The following ARMC9 variants were observed in gnomAD, a reference collection of about 807,000 sequenced individuals.
ARMC9 encodes lisH domain-containing protein ARMC9.
A neutral mutation model predicts 107.0 loss-of-function variants in ARMC9; 94 were observed. The ratio of observed to expected loss-of-function variants is 0.88; its 90% confidence interval spans 0.74 to 1.04. The LOEUF (loss-of-function observed/expected upper bound fraction) is 1.04, where lower values mean the gene tolerates loss of function less well. Ranked by LOEUF, ARMC9 falls within the 50% of genes least tolerant of loss-of-function variation. The pLI, the probability that ARMC9 is intolerant of heterozygous loss-of-function variation, is 0.00. For missense variants in ARMC9, 942 were observed against 1,030.1 expected (o/e 0.91, Z 1.17); for synonymous variants, 380 against 396.9 (o/e 0.96, Z 0.51).
At chr2:231,202,384 G>A (rs112758252) in intron 1 of ARMC9, among the ~76,000 whole-genome samples, 2,658 of 147,820 alleles carry the variant, frequency 0.018, 87 homozygotes, top group African/African-American at 0.064. Flanking sequence ...GTGCCATGGC[G>A]TGATCCCGGC....
chr2:231,327,173 C>G (rs1300796119), intron 19 of ARMC9, among the ~76,000 whole-genome samples: 2 of 152,184 alleles, frequency 1.3e-5, no homozygotes, highest in Non-Finnish European at 2.9e-5. Flanking sequence ...GGGCAGTGCA[C>G]GCTCCCCCAT....
intron 19 of ARMC9, among the ~76,000 whole-genome samples, chr2:231,324,179 G>C (rs1012283873): frequency 5.1e-5 from 7 of 137,756 alleles, no homozygotes; most frequent in African/African-American, 1.9e-4. Flanking sequence ...CCAGGCTGGA[G>C]TGCAGTGGTG....
chr2:231,349,177 A>G (rs2044937182), intron 21 of ARMC9, among the ~76,000 whole-genome samples: 1 of 152,234 alleles, frequency 6.6e-6, no homozygotes, highest in Non-Finnish European at 1.5e-5. Context: ...ATTTGGAAGT[A>G]GCCTCAGTGT....
At chr2:231,311,495 C>T (rs1252240974) in intron 19 of ARMC9, among the ~76,000 whole-genome samples, 3 of 151,292 alleles carry the variant, frequency 2.0e-5, no homozygotes, top group Non-Finnish European at 2.9e-5. Context: ...TTCTGCTGGG[C>T]GCAGTTGCTC....
chr2:231,260,661 G>A (rs1483445373), intron 11 of ARMC9, among the ~76,000 whole-genome samples: 3 of 152,080 alleles, frequency 2.0e-5, no homozygotes, highest in African/African-American at 4.8e-5. Context: ...AGAGTGGGTG[G>A]GGCAGCATGA....
chr2:231,274,835 G>C (rs575018274), intron 14 of ARMC9, among the ~76,000 whole-genome samples: 3 of 152,154 alleles, frequency 2.0e-5, no homozygotes, highest in African/African-American at 7.2e-5. Flanking sequence ...CCAGCTCCCT[G>C]CCAATGAAAA....
chr2:231,339,288 A>G (rs1354006823), intron 20 of ARMC9, among the ~76,000 whole-genome samples: 4 of 152,060 alleles, frequency 2.6e-5, no homozygotes, highest in African/African-American at 9.6e-5. Context: ...AGATCGCGCC[A>G]TTGCACTCTA....
rs1277639372 is a variant in ARMC9 at position 231,198,660 on chromosome 2, C to T, written c.-80C>T. ...GGGTGACGGCTGCGGAGGTGGCGGCCGGGCTGGGATAGCGCGAGTGTCCGC... is the reference window on the plus strand; with the variant it reads ...GGGTGACGGCTGCGGAGGTGGCGGCTGGGCTGGGATAGCGCGAGTGTCCGC... On this transcript the variant is annotated 5_prime_UTR_variant, in exon 1 of 25. Transcript: ENST00000611582. 6.6e-6 allele frequency: 1 copy of T among 152,144 alleles called. No homozygotes were observed. Among genetic ancestry groups the T allele is most frequent in the Admixed American group, 6.5e-5 (1 of 15,270 alleles). 9.4% of individuals were successfully genotyped at this position (152,144 alleles called of 1,614,324 possible). A position where few individuals can be genotyped will look rare whatever the true frequency, so the allele number is the denominator to read the frequency against.
At chr2:231,280,082 A>G (rs777603681) in intron 16 of ARMC9, among the ~76,000 whole-genome samples, 8 of 152,230 alleles carry the variant, frequency 5.3e-5, no homozygotes, top group Non-Finnish European at 7.3e-5. Flanking sequence ...TACTGGAACC[A>G]ATATGTCTGC....
In ARMC9 at chr2:231,331,705, T is replaced by G. The variant is rs1238093789; in HGVS notation, c.1774-88T>G. 7.6e-6 allele frequency: 9 copies of G among 1,191,602 alleles called. No homozygotes were observed. In the African/African-American group the frequency reaches 1.2e-4, roughly 16 times the overall value. 73.8% of individuals were successfully genotyped at this position (1,191,602 alleles called of 1,614,324 possible). A position where few individuals can be genotyped will look rare whatever the true frequency, so the allele number is the denominator to read the frequency against. ...CTGTGATTGGCCGAGGCCTTCTTGTTTCATGACAGCTACACATTCTGGGGA... is the reference window on the plus strand; with the variant it reads ...CTGTGATTGGCCGAGGCCTTCTTGTGTCATGACAGCTACACATTCTGGGGA... On this transcript the variant is annotated intron_variant, in intron 19 of 24. Coordinates refer to ENST00000611582, the MANE Select transcript of ARMC9 (RefSeq NM_001352754.2).
chr2:231,303,489 A>G (rs1275362384), intron 19 of ARMC9, among the ~76,000 whole-genome samples: 1 of 152,092 alleles, frequency 6.6e-6, no homozygotes, highest in Non-Finnish European at 1.5e-5. Flanking sequence ...GTTAGCTGGG[A>G]TTTTTTCATA....
intron 20 of ARMC9, among the ~76,000 whole-genome samples, chr2:231,335,855 C>T (rs76548347): frequency 0.035 from 5,290 of 152,136 alleles, 128 homozygotes; most frequent in African/African-American, 0.062. Flanking sequence ...GTGGGAGGAT[C>T]GCTTGAGCTC....
At chr2:231,213,841 G>C (rs1319588867) in intron 3 of ARMC9, among the ~76,000 whole-genome samples, 1 of 152,174 alleles carries the variant, frequency 6.6e-6, no homozygotes, top group Non-Finnish European at 1.5e-5. Context: ...GTATTGGGTG[G>C]GGAAGTGGGG....
At chr2:231,235,649 T>G (rs1335190997) in intron 8 of ARMC9, among the ~76,000 whole-genome samples, 2 of 152,222 alleles carry the variant, frequency 1.3e-5, no homozygotes, top group East Asian at 3.8e-4. Context: ...CTTTTTTGTT[T>G]GTTTGTTTTT....
chr2:231,241,869 A>G (rs755924310), intron 9 of ARMC9, among the ~76,000 whole-genome samples: 2 of 152,108 alleles, frequency 1.3e-5, no homozygotes, highest in Non-Finnish European at 2.9e-5. Flanking sequence ...TGAGCTTTCC[A>G]GCAGTCTGTG....
intron 9 of ARMC9, among the ~76,000 whole-genome samples, chr2:231,246,371 A>G (rs762023153): frequency 1.3e-5 from 2 of 152,156 alleles, no homozygotes; most frequent in Non-Finnish European, 2.9e-5. Context: ...TCCCCCGCCA[A>G]TAGTTCCCAG....
intron 9 of ARMC9, among the ~76,000 whole-genome samples, chr2:231,245,651 T>C (rs1284752406): frequency 1.3e-5 from 2 of 152,228 alleles, no homozygotes; most frequent in Non-Finnish European, 2.9e-5. Flanking sequence ...GTATATATCA[T>C]TAACTTTTAC....
intron 19 of ARMC9, among the ~76,000 whole-genome samples, chr2:231,323,765 A>C (rs1196705908): frequency 6.6e-6 from 1 of 152,228 alleles, no homozygotes; most frequent in Non-Finnish European, 1.5e-5. Context: ...GACAAGAATC[A>C]TGTCTTTCTG....
chr2:231,358,649 C>T lies in ARMC9; in HGVS notation c.2132-2105C>T, dbSNP rs1213834401. ...CCCCGTGGAAACCCCCACCTTCACG[C>T]TGAGTTTCTTGAGGAAGAGCCTTTG... On this transcript the variant is annotated intron_variant, in intron 22 of 24. Coordinates refer to ENST00000611582, the MANE Select transcript of ARMC9 (RefSeq NM_001352754.2). This position sits in a 1 kb window ranked among gnomAD's most constrained non-coding sequence, Gnocchi z 4.5. Among the ~76,000 whole-genome samples, 3 of 152,206 alleles carry T rather than the reference C, an allele frequency of 2.0e-5. No homozygotes were observed. Among genetic ancestry groups the T allele is most frequent in the Non-Finnish European group, 2.9e-5 (2 of 68,030 alleles).
Sources: allele counts gnomAD v4.1 joint callset (sites outside exome capture counted in the v4.1 genomes callset), GRCh38; gene constraint gnomAD v4.1.1; non-coding constraint Gnocchi (gnomAD v3.1); transcripts MANE v1.5; gene names NCBI Gene and HGNC (gene_info 2026-07-23, HGNC 2026-07-21).